Variants in SGMS1 observed in about 807,000 individuals in gnomAD.
SGMS1 encodes the protein phosphatidylcholine:ceramide cholinephosphotransferase 1.
A neutral mutation model predicts 46.2 loss-of-function variants in SGMS1; 13 were observed. That is an observed-to-expected ratio of 0.28 (90% confidence interval 0.18 to 0.45). SGMS1 has a LOEUF of 0.45. Ranked by LOEUF, SGMS1 falls within the 20% of genes least tolerant of loss-of-function variation. SGMS1 has a pLI of 1.00. For missense variants in SGMS1, 324 were observed against 519.9 expected (o/e 0.62, Z 3.66); for synonymous variants, 203 against 187.8 (o/e 1.08, Z -0.66).
At chr10:50,520,615 C>G (rs889380634) in intron 2 of SGMS1, among the ~76,000 whole-genome samples, 2 of 152,182 alleles carry the variant, frequency 1.3e-5, no homozygotes, top group Non-Finnish European at 2.9e-5. Context: ...TCTACCAACC[C>G]TTGCTCCAAA....
chr10:50,376,863 T>C (rs1848529765), intron 6 of SGMS1, among the ~76,000 whole-genome samples: 1 of 152,170 alleles, frequency 6.6e-6, no homozygotes, highest in African/African-American at 2.4e-5. Context: ...TCCAAGTCTT[T>C]GCTATTGTGA....
chr10:50,473,219 A>C (rs769865487), intron 3 of SGMS1, among the ~76,000 whole-genome samples: 4 of 152,212 alleles, frequency 2.6e-5, no homozygotes, highest in Non-Finnish European at 5.9e-5. Context: ...TGGAACAGTA[A>C]TACTCTCTCC....
intron 7 of SGMS1, among the ~76,000 whole-genome samples, chr10:50,330,558 G>GT (rs1847607496): frequency 2.0e-5 from 3 of 152,288 alleles, no homozygotes; most frequent in Admixed American, 6.5e-5. Flanking sequence ...ACTGGAAAAA[G>GT]TTTGTTTTCC....
At chr10:50,500,151 G>C (rs1000503039) in intron 3 of SGMS1, among the ~76,000 whole-genome samples, 1 of 152,208 alleles carries the variant, frequency 6.6e-6, no homozygotes, top group Admixed American at 6.5e-5. Context: ...CTGGGTGACA[G>C]AGCGGGACTC....
chr10:50,566,052 A>C (rs1437133979), intron 2 of SGMS1, among the ~76,000 whole-genome samples: 1 of 152,222 alleles, frequency 6.6e-6, no homozygotes, highest in Non-Finnish European at 1.5e-5. Context: ...TATTCCTTTG[A>C]TAACTGCTGG....
At chr10:50,398,602 A>G (rs1349707001) in intron 6 of SGMS1, among the ~76,000 whole-genome samples, 2 of 152,076 alleles carry the variant, frequency 1.3e-5, no homozygotes, top group African/African-American at 4.8e-5. Context: ...TTTTTGCTAT[A>G]TTTTGGTAGC....
In SGMS1 at chr10:50,329,065, A is replaced by G. The variant is rs1423362310; in HGVS notation, c.624-1743T>C. Among the ~76,000 whole-genome samples, 3 of 152,202 alleles carry G rather than the reference A, an allele frequency of 2.0e-5. No homozygotes were observed. The East Asian group carries it at 5.8e-4, about 29-fold the overall frequency. ...CAAGTCTAGATCTGCTGAACTCTTTAGAGGAAGAAAAATAAAATTATTGCT... is the reference window on the plus strand; with the variant it reads ...CAAGTCTAGATCTGCTGAACTCTTTGGAGGAAGAAAAATAAAATTATTGCT... On this transcript the variant is annotated intron_variant, in intron 7 of 10. Coordinates refer to ENST00000361781, the MANE Select transcript of SGMS1 (RefSeq NM_147156.4).
rs1847874585 is a variant in SGMS1 at position 50,344,183 on chromosome 10, C to A, written c.-69G>T. On this transcript the variant is annotated 5_prime_UTR_variant, in exon 7 of 11. Transcript: ENST00000361781. ...GTCAGCAGTCACTGTTCCGACAGGG[C>A]AGGACACTGTCCTGCCTCGGCTCGT... 6.6e-7 allele frequency: 1 copy of A among 1,516,720 alleles called. No homozygotes were observed. The highest frequency in any genetic ancestry group is 8.8e-7 in the Non-Finnish European group (1 of 1,141,238). 94.0% of individuals were successfully genotyped at this position (1,516,720 alleles called of 1,614,324 possible). A position where few individuals can be genotyped will look rare whatever the true frequency, so the allele number is the denominator to read the frequency against.
At chr10:50,375,239 T>C (rs114900517) in intron 6 of SGMS1, among the ~76,000 whole-genome samples, 240 of 152,170 alleles carry the variant, frequency 1.6e-3, no homozygotes, top group Middle Eastern at 6.8e-3. Flanking sequence ...GCAGACAAGG[T>C]AGAGATTTCT....
In SGMS1 at chr10:50,590,134, C is replaced by G. The variant is rs572154616; in HGVS notation, c.-589+19G>C. ...GAAAATGTTTTACAATAAAAAGCTG[C>G]ATAGAAATATTTACTTACCTTTCAA... On this transcript the variant is annotated intron_variant, in intron 2 of 10. Transcript: ENST00000361781. 1 of 152,434 alleles carries G rather than the reference C, an allele frequency of 6.6e-6. No individual in the cohort carries two copies. The highest frequency in any genetic ancestry group is 2.1e-4 in the South Asian group (1 of 4,828). The allele number at this position is 152,434 out of a possible 1,614,324, so 9.4% of individuals were successfully genotyped here. A position where few individuals can be genotyped will look rare whatever the true frequency, so the allele number is the denominator to read the frequency against.
chr10:50,319,263 A>G lies in SGMS1; in HGVS notation c.742-7848T>C, dbSNP rs189473511. Among the ~76,000 whole-genome samples, 134 of 152,008 alleles carry G rather than the reference A, an allele frequency of 8.8e-4. 1 individual carries two copies. Among genetic ancestry groups the G allele is most frequent in the African/African-American group, 3.0e-3 (125 of 41,474 alleles). On this transcript the variant is annotated intron_variant, in intron 8 of 10. Coordinates refer to ENST00000361781, the MANE Select transcript of SGMS1 (RefSeq NM_147156.4). Reference sequence around the variant, plus strand: ...ACCTGTAGACACTTCATTTTGGCTCATTAATTATCAAGATTGTATCACATT... The same window carrying G: ...ACCTGTAGACACTTCATTTTGGCTCGTTAATTATCAAGATTGTATCACATT...
intron 2 of SGMS1, among the ~76,000 whole-genome samples, chr10:50,542,775 A>G (rs1838065917): frequency 6.7e-6 from 1 of 148,180 alleles, no homozygotes; most frequent in Non-Finnish European, 1.5e-5. Flanking sequence ...AAAAAGTCTC[A>G]ATTATTGTTT....
chr10:50,538,174 A>C (rs888677840), intron 2 of SGMS1, among the ~76,000 whole-genome samples: 1 of 8,246 alleles, frequency 1.2e-4, no homozygotes, highest in Non-Finnish European at 2.3e-4. Flanking sequence ...AGAGCTTATC[A>C]GGGGTGGGTG....
intron 5 of SGMS1, among the ~76,000 whole-genome samples, chr10:50,455,300 T>C (rs1029334210): frequency 2.0e-5 from 3 of 152,242 alleles, no homozygotes; most frequent in Non-Finnish European, 2.9e-5. Flanking sequence ...TATCCTGTTA[T>C]GTTTGCAAAT....
chr10:50,350,585 G>T (rs1287128508), intron 6 of SGMS1, among the ~76,000 whole-genome samples: 1 of 152,150 alleles, frequency 6.6e-6, no homozygotes, highest in East Asian at 1.9e-4. Context: ...CGTGCTGTGT[G>T]CAGACTAGGG....
intron 2 of SGMS1, among the ~76,000 whole-genome samples, chr10:50,531,100 GA>G (rs1221830680): frequency 6.6e-6 from 1 of 152,096 alleles, no homozygotes; most frequent in Non-Finnish European, 1.5e-5. Flanking sequence ...AAGATTTTCT[GA>G]AAATTCAACA....
intron 1 of SGMS1, among the ~76,000 whole-genome samples, chr10:50,594,983 C>A (rs1838577233): frequency 6.6e-6 from 1 of 152,154 alleles, no homozygotes; most frequent in South Asian, 2.1e-4. Context: ...AGTCACACAG[C>A]TGATAAGTGG....
chr10:50,579,624 C>T (rs1342518391), intron 2 of SGMS1, among the ~76,000 whole-genome samples: 2 of 152,252 alleles, frequency 1.3e-5, no homozygotes, highest in Admixed American at 6.5e-5. Flanking sequence ...GATTTCTAAT[C>T]TAGAATTCTA....
At chr10:50,331,530 A>AT (rs1194188373) in intron 7 of SGMS1, among the ~76,000 whole-genome samples, 2 of 152,214 alleles carry the variant, frequency 1.3e-5, no homozygotes, top group Admixed American at 1.3e-4. Flanking sequence ...ATTTTTCATT[A>AT]TTTTTTGTAG....
Sources: allele counts gnomAD v4.1 joint callset (sites outside exome capture counted in the v4.1 genomes callset), GRCh38; gene constraint gnomAD v4.1.1; transcripts MANE v1.5; gene names NCBI Gene and HGNC (gene_info 2026-07-23, HGNC 2026-07-21).